Variants in PID1 observed in about 807,000 individuals in gnomAD.
PID1 encodes the protein phosphotyrosine interaction domain containing 1, also known as PTB-containing, cubilin and LRP1-interacting protein.
PID1 carries 10 observed loss-of-function variants against 19.1 expected under a neutral mutation model. The observed-to-expected ratio is 0.52, with a 90% confidence interval of 0.32 to 0.89. PID1 has a LOEUF of 0.89. Among genes scored for constraint, PID1 ranks in the 40% least tolerant of loss-of-function variants. The pLI is 0.03. For missense variants in PID1, 248 were observed against 285.3 expected (o/e 0.87, Z 0.94); for synonymous variants, 130 against 116.0 (o/e 1.12, Z -0.78).
intron 2 of PID1, among the ~76,000 whole-genome samples, chr2:229,128,926 C>T (rs1028963267): frequency 5.3e-5 from 8 of 152,118 alleles, no homozygotes; most frequent in Admixed American, 2.0e-4. Flanking sequence ...GATAAATGCT[C>T]GAGGGGATGG....
At chr2:229,205,952 G>A (rs1026008660) in intron 1 of PID1, among the ~76,000 whole-genome samples, 6 of 151,988 alleles carry the variant, frequency 3.9e-5, no homozygotes, top group East Asian at 3.9e-4. Flanking sequence ...GTGTTGTTTC[G>A]TAGAACCCAT....
At chr2:229,145,467 C>T (rs1372777441) in intron 2 of PID1, among the ~76,000 whole-genome samples, 1 of 151,588 alleles carries the variant, frequency 6.6e-6, no homozygotes, top group Non-Finnish European at 1.5e-5. Flanking sequence ...AATAATTAAC[C>T]TTTTTTCTAG....
chr2:229,028,013 T>C (rs1036735628), intron 2 of PID1, among the ~76,000 whole-genome samples: 5 of 151,988 alleles, frequency 3.3e-5, no homozygotes, highest in African/African-American at 9.7e-5. Context: ...GCCTGACTGA[T>C]AGCAGAGACA....
intron 1 of PID1, among the ~76,000 whole-genome samples, chr2:229,183,849 CCTT>C (rs1691000142): frequency 6.8e-6 from 1 of 146,140 alleles, no homozygotes; most frequent in South Asian, 2.2e-4. Flanking sequence ...AAATCTCTCT[CCTT>C]CTCTCTCTCC....
At position 229,230,279 on chromosome 2, in the gene PID1, T is replaced by A. The variant is rs192197277; in HGVS notation, c.30+40735A>T. 3.3e-5 allele frequency among the ~76,000 whole-genome samples: 5 copies of A among 152,062 alleles called. No individual in the cohort carries two copies. In the East Asian group the frequency reaches 9.6e-4, roughly 29 times the overall value. On this transcript the variant is annotated intron_variant, in intron 1 of 2. Transcript: ENST00000392055. ...GCAGATACCATATTGCACTTCACCA[T>A]TAGAAAGAAAGAAACGAGAGAGAAA... is the stretch of plus-strand genomic sequence containing the variant.
At chr2:229,222,774 C>A (rs1417479126) in intron 1 of PID1, among the ~76,000 whole-genome samples, 1 of 151,996 alleles carries the variant, frequency 6.6e-6, no homozygotes, top group African/African-American at 2.4e-5. Flanking sequence ...TTCTAAGGAA[C>A]CTACACCATC....
chr2:229,179,866 T>A (rs748666807), intron 1 of PID1, among the ~76,000 whole-genome samples: 11 of 152,160 alleles, frequency 7.2e-5, no homozygotes, highest in Non-Finnish European at 1.6e-4. Context: ...GAGGCTGGAC[T>A]CTCCTTGGCC....
At chr2:229,262,804 A>G in intron 1 of PID1, 1 of 1,551,342 alleles carries the variant, frequency 6.4e-7, no homozygotes, top group South Asian at 1.2e-5. Context: ...AATCCTTGGC[A>G]TTCCTTGGCT....
intron 2 of PID1, among the ~76,000 whole-genome samples, chr2:229,038,505 A>AC (rs1693707269): frequency 6.6e-6 from 1 of 152,212 alleles, no homozygotes; most frequent in Non-Finnish European, 1.5e-5. Flanking sequence ...TGGAGAACAG[A>AC]TTACTGGTTG....
chr2:229,153,940 A>C (rs979738652), intron 2 of PID1, among the ~76,000 whole-genome samples: 2 of 152,208 alleles, frequency 1.3e-5, no homozygotes, highest in Non-Finnish European at 2.9e-5. Flanking sequence ...AGAAATCAAA[A>C]TAGCATTAAT....
At chr2:229,235,239 G>T (rs542224779) in intron 1 of PID1, among the ~76,000 whole-genome samples, 1 of 152,136 alleles carries the variant, frequency 6.6e-6, no homozygotes, top group East Asian at 1.9e-4. Flanking sequence ...TGGAGAAAAG[G>T]AAAAGTAAGG....
At chr2:229,189,079 G>A (rs1419936) in intron 1 of PID1, among the ~76,000 whole-genome samples, 78,558 of 151,954 alleles carry the variant, frequency 0.52, 20,583 homozygotes, top group Admixed American at 0.6. Flanking sequence ...TGAAGTGAAA[G>A]TTCTCTTCGT....
intron 2 of PID1, among the ~76,000 whole-genome samples, chr2:229,041,704 C>A (rs1693773623): frequency 1.3e-5 from 2 of 152,150 alleles, no homozygotes. Context: ...TAACACACCC[C>A]ATCACAACTA....
chr2:229,186,540 G>A (rs1244317586), intron 1 of PID1, among the ~76,000 whole-genome samples: 1 of 152,230 alleles, frequency 6.6e-6, no homozygotes, highest in African/African-American at 2.4e-5. Context: ...CGAAGCCACA[G>A]CCCAAGCTCT....
At chr2:229,262,769 C>A (rs370244653) in intron 1 of PID1, 1 of 1,551,436 alleles carries the variant, frequency 6.4e-7, no homozygotes, top group Non-Finnish European at 8.7e-7. Flanking sequence ...GTCCTCGACT[C>A]TTCTAACATC....
chr2:229,132,405 C>T (rs1213120034), intron 2 of PID1, among the ~76,000 whole-genome samples: 1 of 152,226 alleles, frequency 6.6e-6, no homozygotes, highest in Non-Finnish European at 1.5e-5. Flanking sequence ...AGCATAAGAA[C>T]ATGAGAGATC....
chr2:229,126,623 ACT>A (rs1695628315), intron 2 of PID1, among the ~76,000 whole-genome samples: 1 of 152,182 alleles, frequency 6.6e-6, no homozygotes, highest in East Asian at 1.9e-4. Flanking sequence ...TTTAATGTAT[ACT>A]CTGATTCTTA....
chr2:229,056,992 A>G (rs1193959416), intron 2 of PID1, among the ~76,000 whole-genome samples: 2 of 151,538 alleles, frequency 1.3e-5, no homozygotes, highest in South Asian at 4.2e-4. Flanking sequence ...AAAAATTCCA[A>G]AAAGAAAGTA....
intron 2 of PID1, 120 bp downstream of exon 2, chr2:229,155,696 TTG>T: frequency 2.3e-6 from 2 of 876,904 alleles, no homozygotes; most frequent in Non-Finnish European, 3.4e-6. Flanking sequence ...TGAATTTATT[TTG>T]TTGGTCATTT....
Sources: allele counts gnomAD v4.1 joint callset (sites outside exome capture counted in the v4.1 genomes callset), GRCh38; gene constraint gnomAD v4.1.1; transcripts MANE v1.5; gene names NCBI Gene and HGNC (gene_info 2026-07-23, HGNC 2026-07-21).